The following THADA variants were observed in gnomAD, a reference collection of about 807,000 sequenced individuals.
THADA encodes tRNA (32-2'-O)-methyltransferase regulator THADA.
A neutral mutation model predicts 219.8 loss-of-function variants in THADA; 213 were observed. The observed-to-expected ratio is 0.97, with a 90% CI of 0.87 to 1.09. The LOEUF (loss-of-function observed/expected upper bound fraction) is 1.09. Among genes scored for constraint, THADA ranks in the 50% least tolerant of loss-of-function variants. The pLI is 0.00. For missense variants in THADA, 2,956 were observed against 2,311.3 expected, an observed-to-expected ratio of 1.28 and a Z score of -5.72; for synonymous variants, 1,018 against 828.9, an observed-to-expected ratio of 1.23 and a Z score of -3.92.
Position 43,476,861 on chromosome 2 carries a change from C to T in THADA, c.3836+8373G>A, listed in dbSNP as rs1685615019. ...TTGGGAAAATGGAAATTATGTTCTT[C>T]TGACAAAATGTTAGAAGATTCTAAC... On this transcript the variant is annotated intron_variant, in intron 26 of 37. Coordinates refer to ENST00000405975, the MANE Select transcript of THADA (RefSeq NM_022065.5). Among the ~76,000 whole-genome samples, 3 of 152,104 alleles carry T rather than the reference C, an allele frequency of 2.0e-5. No homozygotes were observed. In the South Asian group the frequency reaches 6.2e-4, roughly 32 times the overall value.
chr2:43,537,437 T>C (rs1694754369), intron 21 of THADA, among the ~76,000 whole-genome samples: 1 of 152,238 alleles, frequency 6.6e-6, no homozygotes, highest in Non-Finnish European at 1.5e-5. Flanking sequence ...CAACTTCATT[T>C]CAAAGCTTAA....
Position 43,293,082 on chromosome 2 carries a change from T to C in THADA, c.4570A>G (p.Ile1524Val), listed in dbSNP as rs776382392. The C allele has an allele frequency of 1.2e-6, 2 of 1,613,954 alleles. No homozygotes were observed. Among genetic ancestry groups the C allele is most frequent in the Admixed American group, 1.7e-5 (1 of 59,998 alleles). ...QYLQSLTRLA[I>V]AAVWAAAAKS... is the part of the protein sequence containing the mutation. ...GCTGCCGCGGCCCACACTGCAGCAA[T>C]GGCTAGTCTGGTGAGGCTCTGGAGG... The change falls in exon 32 of 38, where the codon ATT becomes GTT. Residue 1524 changes from isoleucine (I) to valine (V), a missense_variant. By Grantham distance (29) the Ile-to-Val change is conservative. Coordinates refer to ENST00000405975, the MANE Select transcript of THADA (RefSeq NM_022065.5).
At chr2:43,294,530 G>A (rs972446897) in intron 31 of THADA, among the ~76,000 whole-genome samples, 1 of 152,216 alleles carries the variant, frequency 6.6e-6, no homozygotes, top group Non-Finnish European at 1.5e-5. Flanking sequence ...CAGGAGATGA[G>A]GCTAGGGAAG....
chr2:43,472,575 C>T (rs751911178), intron 26 of THADA, among the ~76,000 whole-genome samples: 1 of 152,106 alleles, frequency 6.6e-6, no homozygotes, highest in African/African-American at 2.4e-5. Flanking sequence ...TGGGGAAAAC[C>T]GGGCACTTGT....
intron 36 of THADA, among the ~76,000 whole-genome samples, chr2:43,248,835 G>GGGCTC (rs1669529978): frequency 6.6e-6 from 1 of 152,140 alleles, no homozygotes; most frequent in East Asian, 1.9e-4. Context: ...TGCCCAGTCT[G>GGGCTC]ACTGGGCTCT....
chr2:43,549,497 C>T (rs1696498082), intron 19 of THADA, 129 bp from the exon 20 acceptor site: 3 of 904,774 alleles, frequency 3.3e-6, no homozygotes, highest in East Asian at 5.8e-5. Flanking sequence ...AAGGGACTCA[C>T]AAGGTGGATA....
chr2:43,479,867 G>A (rs898568106), intron 26 of THADA, among the ~76,000 whole-genome samples: 10 of 152,122 alleles, frequency 6.6e-5, no homozygotes, highest in South Asian at 2.1e-4. Context: ...GTCTTTTACC[G>A]TCCAGATAAA....
intron 36 of THADA, among the ~76,000 whole-genome samples, chr2:43,270,709 G>A (rs1353641094): frequency 6.6e-6 from 1 of 152,104 alleles, no homozygotes; most frequent in Non-Finnish European, 1.5e-5. Context: ...AATGGAGGAA[G>A]TATAGTAGGT....
At chr2:43,475,188 G>A (rs1685365224) in intron 26 of THADA, among the ~76,000 whole-genome samples, 1 of 152,100 alleles carries the variant, frequency 6.6e-6, no homozygotes, top group African/African-American at 2.4e-5. Context: ...AGGCTGAGGT[G>A]GGTGGATCAC....
intron 30 of THADA, among the ~76,000 whole-genome samples, chr2:43,337,804 G>C (rs1246034530): frequency 6.6e-6 from 1 of 151,972 alleles, no homozygotes; most frequent in African/African-American, 2.4e-5. Context: ...GCAATGGTTA[G>C]GTAAATTTAA....
At chr2:43,283,519 A>C (rs1175254054) in intron 35 of THADA, among the ~76,000 whole-genome samples, 1 of 152,242 alleles carries the variant, frequency 6.6e-6, no homozygotes, top group Non-Finnish European at 1.5e-5. Context: ...AATGAAGTCC[A>C]GACTGAGGTG....
chr2:43,524,771 C>A (rs1414558131), intron 22 of THADA, among the ~76,000 whole-genome samples: 1 of 152,158 alleles, frequency 6.6e-6, no homozygotes, highest in African/African-American at 2.4e-5. Context: ...TAAAAGCCAA[C>A]AGTAACAGCC....
chr2:43,522,810 A>G (rs1274548589), intron 22 of THADA, among the ~76,000 whole-genome samples: 1 of 152,176 alleles, frequency 6.6e-6, no homozygotes, highest in African/African-American at 2.4e-5. Context: ...CTTTTAATCC[A>G]CAATAGAAAA....
At chr2:43,366,987 C>A (rs547755735) in intron 29 of THADA, among the ~76,000 whole-genome samples, 1 of 152,216 alleles carries the variant, frequency 6.6e-6, no homozygotes, top group East Asian at 1.9e-4. Flanking sequence ...GTATATCATG[C>A]AAAGGAATAT....
At chr2:43,533,792 C>G (rs112416866) in intron 21 of THADA, among the ~76,000 whole-genome samples, 4 of 151,900 alleles carry the variant, frequency 2.6e-5, no homozygotes, top group Non-Finnish European at 5.9e-5. Flanking sequence ...CTAATGCATG[C>G]GGGGCTTAAA....
At chr2:43,575,279 T>C (rs112862416) in intron 10 of THADA, among the ~76,000 whole-genome samples, 1 of 152,036 alleles carries the variant, frequency 6.6e-6, no homozygotes, top group African/African-American at 2.4e-5. Context: ...TGAAACCCCA[T>C]CTCTATAAAA....
intron 21 of THADA, among the ~76,000 whole-genome samples, chr2:43,538,763 G>C (rs1694933686): frequency 6.6e-6 from 1 of 152,146 alleles, no homozygotes; most frequent in Admixed American, 6.5e-5. Flanking sequence ...TTGTCCAAGA[G>C]AGCTGGATAA....
rs558178626 is a variant in THADA at position 43,232,561 on chromosome 2, G to A, written c.5466+152C>T. ...CAGAAGTCAGCCTAAGAGTGTCCCC[G>A]TGTCCTCGGCAGCACCCAGTGGGTG... On this transcript the variant is annotated intron_variant, in intron 37 of 37. Transcript: ENST00000405975. 4.6e-5 allele frequency among the ~76,000 whole-genome samples: 7 copies of A among 152,278 alleles called. No homozygotes were observed. In the South Asian group the frequency reaches 8.3e-4, roughly 18 times the overall value.
chr2:43,290,409 T>C (rs1231924999), intron 34 of THADA, among the ~76,000 whole-genome samples: 2 of 152,116 alleles, frequency 1.3e-5, no homozygotes, highest in Non-Finnish European at 2.9e-5. Context: ...TGGCTTGCCT[T>C]TGAGTGACAG....
Sources: allele counts gnomAD v4.1 joint callset (sites outside exome capture counted in the v4.1 genomes callset), GRCh38; gene constraint gnomAD v4.1.1; transcripts MANE v1.5; gene names NCBI Gene and HGNC (gene_info 2026-07-23, HGNC 2026-07-21).